Variants in PGR observed in about 807,000 individuals in gnomAD.
PGR encodes the protein nuclear receptor subfamily 3 group C member 3.
A neutral mutation model predicts 76.1 loss-of-function variants in PGR; 25 were observed. That is an observed-to-expected ratio of 0.33 (90% confidence interval 0.24 to 0.46). The LOEUF (loss-of-function observed/expected upper bound fraction) is 0.46, where lower values mean the gene tolerates loss of function less well. Ranked by LOEUF, PGR falls within the 20% of genes least tolerant of loss-of-function variation. PGR has a pLI of 1.00. For synonymous variants in PGR, 579 were observed against 535.0 expected, an observed-to-expected ratio of 1.08 and a Z score of -1.14; for missense variants, 1,172 against 1,225.3, an observed-to-expected ratio of 0.96 and a Z score of 0.65.
chr11:101,084,667 A>AG (rs932017712), intron 3 of PGR, among the ~76,000 whole-genome samples: 2 of 152,028 alleles, frequency 1.3e-5, no homozygotes, highest in African/African-American at 4.8e-5. Context: ...AAAAAAAAAA[A>AG]AAAGTCACAG....
intron 2 of PGR, among the ~76,000 whole-genome samples, chr11:101,113,876 A>C (rs149510098): frequency 6.6e-6 from 1 of 152,040 alleles, no homozygotes; most frequent in Admixed American, 6.6e-5. Context: ...TCCTTGCCCC[A>C]GCTGCTAGCC....
At position 101,128,609 on chromosome 11, in the gene PGR, G is replaced by T. The variant is rs1210042268; in HGVS notation, c.462C>A (p.Ala154=). The T allele has an allele frequency of 1.9e-6, 3 of 1,589,618 alleles. No homozygotes were observed. Among genetic ancestry groups the T allele is most frequent in the Non-Finnish European group, 2.6e-6 (3 of 1,170,408 alleles). ...GPELPEDPPA[A]PATQRVLSPL... ...GGGACAACACCCGCTGGGTGGCGGG[G>T]GCAGCCGGTGGATCTTCGGGAAGTT... The change falls in exon 1 of 8, where the codon GCC becomes GCA. Residue 154 remains alanine, a synonymous_variant. Coordinates refer to ENST00000325455, the MANE Select transcript of PGR (RefSeq NM_000926.4).
intron 2 of PGR, among the ~76,000 whole-genome samples, chr11:101,110,837 C>A (rs1384622132): frequency 6.6e-6 from 1 of 152,162 alleles, no homozygotes; most frequent in Admixed American, 6.6e-5. Flanking sequence ...GACACCCCAA[C>A]CTCCAGCAAT....
intron 3 of PGR, among the ~76,000 whole-genome samples, chr11:101,081,428 C>CA (rs35694297): frequency 0.013 from 1,759 of 138,492 alleles, 17 homozygotes; most frequent in African/African-American, 0.037. Context: ...GGCTCCATCT[C>CA]AAAAAAAAAA....
intron 3 of PGR, among the ~76,000 whole-genome samples, chr11:101,068,958 G>A (rs919725526): frequency 6.6e-6 from 1 of 152,142 alleles, no homozygotes; most frequent in African/African-American, 2.4e-5. Context: ...ATAGGCATGG[G>A]CAAAGACTTC....
At position 101,064,355 on chromosome 11, in the gene PGR, A is replaced by C. The variant is rs77715511; in HGVS notation, c.1907-1603T>G. ...TCAAAAAAAAAAAAAAAAAAAAAAAAAAAAAAAAAAAAAAAACAGCCCCAA... is the reference window on the plus strand; with the variant it reads ...TCAAAAAAAAAAAAAAAAAAAAAAACAAAAAAAAAAAAAAAACAGCCCCAA... On this transcript the variant is annotated intron_variant, in intron 3 of 7. Coordinates refer to ENST00000325455, the MANE Select transcript of PGR (RefSeq NM_000926.4). Among the ~76,000 whole-genome samples, 425 of 122,828 alleles carry C rather than the reference A, an allele frequency of 3.5e-3. 1 individual carries two copies. The highest frequency in any genetic ancestry group is 0.021 in the East Asian group (44 of 2,086). The allele number at this position is 122,828 out of a possible 152,430, so 80.6% of individuals were successfully genotyped here. A position where few individuals can be genotyped will look rare whatever the true frequency, so the allele number is the denominator to read the frequency against.
At chr11:101,125,088 G>A (rs1307264040) in intron 2 of PGR, among the ~76,000 whole-genome samples, 4 of 151,978 alleles carry the variant, frequency 2.6e-5, no homozygotes, top group Admixed American at 1.3e-4. Context: ...TCCTTGTCTA[G>A]GTGTGATCTC....
At chr11:101,127,405 G>C in intron 1 of PGR, 29 bp downstream of exon 1, 1 of 1,495,366 alleles carries the variant, frequency 6.7e-7, no homozygotes, top group Non-Finnish European at 9.0e-7. Context: ...TCCCGGACGC[G>C]CTGGGCGTGC....
At chr11:101,122,103 C>T (rs1054279502) in intron 2 of PGR, among the ~76,000 whole-genome samples, 16 of 140,900 alleles carry the variant, frequency 1.1e-4, no homozygotes, top group Non-Finnish European at 1.8e-4. Context: ...TGCAGTGAGC[C>T]GAGATCACAC....
At position 101,034,420 on chromosome 11, in the gene PGR, T is replaced by C. The variant is rs1859444729; in HGVS notation, c.*4696A>G. The C allele has an allele frequency of 5.1e-6, 1 of 194,772 alleles. No homozygotes were observed. The highest frequency in any genetic ancestry group is 1.1e-5 in the Non-Finnish European group (1 of 93,570). 12.1% of individuals were successfully genotyped at this position (194,772 alleles called of 1,614,324 possible). The stretch of plus-strand genomic sequence containing the variant: ...AGGAGAACAAACCCCTTGGTGTTTT[T>C]CTTTGCTTTGGTTATAGGATATTCA... On this transcript the variant is annotated 3_prime_UTR_variant, in exon 8 of 8. Transcript: ENST00000325455.
chr11:101,093,573 G>T (rs1861746011), intron 2 of PGR, among the ~76,000 whole-genome samples: 1 of 152,122 alleles, frequency 6.6e-6, no homozygotes, highest in East Asian at 1.9e-4. Flanking sequence ...GAACTTTCCT[G>T]CCTCAGCCTC....
chr11:101,070,058 GGTCT>G (rs886746630), intron 3 of PGR, among the ~76,000 whole-genome samples: 3 of 147,018 alleles, frequency 2.0e-5, no homozygotes, highest in Non-Finnish European at 4.5e-5. Flanking sequence ...GAATAGCTCC[GGTCT>G]GTAGCTCCCA....
intron 6 of PGR, among the ~76,000 whole-genome samples, chr11:101,044,995 C>A (rs1859818788): frequency 6.6e-6 from 1 of 152,076 alleles, no homozygotes; most frequent in South Asian, 2.1e-4. Flanking sequence ...GCTTGAGCCA[C>A]CATGCCCAGC....
intron 7 of PGR, among the ~76,000 whole-genome samples, chr11:101,040,546 C>A (rs1859663002): frequency 6.6e-6 from 1 of 152,048 alleles, no homozygotes; most frequent in Non-Finnish European, 1.5e-5. Context: ...TGAAGATTTT[C>A]TTTTCCATCA....
chr11:101,089,172 C>G (rs1861594625), intron 3 of PGR, among the ~76,000 whole-genome samples: 1 of 151,892 alleles, frequency 6.6e-6, no homozygotes, highest in Non-Finnish European at 1.5e-5. Context: ...CCCACTGAAG[C>G]TAAAATAAAA....
chr11:101,125,051 C>A (rs558294715), intron 2 of PGR, among the ~76,000 whole-genome samples: 5 of 152,068 alleles, frequency 3.3e-5, no homozygotes, highest in African/African-American at 1.2e-4. Flanking sequence ...GAACAGGAAA[C>A]AAAAAGCCAA....
Position 101,032,998 on chromosome 11 carries a change from T to C in PGR, c.*6118A>G, listed in dbSNP as rs1480688345. The C allele has an allele frequency of 5.3e-6, 1 of 189,278 alleles. No individual in the cohort carries two copies. Among genetic ancestry groups the C allele is most frequent in the Non-Finnish European group, 1.1e-5 (1 of 90,056 alleles). 11.7% of individuals were successfully genotyped at this position (189,278 alleles called of 1,614,324 possible). On this transcript the variant is annotated 3_prime_UTR_variant, in exon 8 of 8. Transcript: ENST00000325455. ...CCCTCCATGTAACTTTTGTAAATCA[T>C]ATTTAATCCTCTCAAAATACAAAGA...
At chr11:101,083,541 T>C (rs1484003935) in intron 3 of PGR, among the ~76,000 whole-genome samples, 1 of 152,194 alleles carries the variant, frequency 6.6e-6, no homozygotes, top group Non-Finnish European at 1.5e-5. Flanking sequence ...GTGGGGGCTG[T>C]ATCCTGTAGA....
chr11:101,048,685 G>C (rs1028374643), intron 6 of PGR, among the ~76,000 whole-genome samples: 2 of 152,168 alleles, frequency 1.3e-5, no homozygotes, highest in Non-Finnish European at 2.9e-5. Context: ...GTCAGCGAGT[G>C]AGTGGTGACA....
Sources: allele counts gnomAD v4.1 joint callset (sites outside exome capture counted in the v4.1 genomes callset), GRCh38; gene constraint gnomAD v4.1.1; transcripts MANE v1.5; gene names NCBI Gene and HGNC (gene_info 2026-07-23, HGNC 2026-07-21).